Variants in CERS5 observed in about 807,000 individuals in gnomAD.
The protein encoded by CERS5 is LAG1 homolog, ceramide synthase 5.
In CERS5, 37 loss-of-function variants were observed where a neutral mutation model predicts 58.9. The ratio of observed to expected loss-of-function variants is 0.63; its 90% CI spans 0.48 to 0.83. The LOEUF (loss-of-function observed/expected upper bound fraction) is 0.83, where lower values mean the gene tolerates loss of function less well. Among genes scored for constraint, CERS5 ranks in the 40% least tolerant of loss-of-function variants. The pLI, the probability that CERS5 is intolerant of heterozygous loss-of-function variation, is 0.00. For synonymous variants in CERS5, 147 were observed against 177.8 expected (o/e 0.83, Z 1.38); for missense variants, 398 against 489.3 (o/e 0.81, Z 1.76).
At chr12:50,148,587 C>T in intron 1 of CERS5, 1 of 340,888 alleles carries the variant, frequency 2.9e-6, no homozygotes, top group Non-Finnish European at 6.1e-6. Flanking sequence ...ACAAAGCAGA[C>T]TCTGTCTCAA....
At chr12:50,134,239 C>T (rs1035427713) in intron 9 of CERS5, among the ~76,000 whole-genome samples, 6 of 150,174 alleles carry the variant, frequency 4.0e-5, no homozygotes, top group African/African-American at 1.2e-4. Context: ...ATTAGCCAGG[C>T]GTGGTGGTGC....
At chr12:50,148,397 A>C (rs192963285) in intron 1 of CERS5, 34 of 200,864 alleles carry the variant, frequency 1.7e-4, no homozygotes, top group Middle Eastern at 2.3e-3. Flanking sequence ...GGAGTTCAAG[A>C]CCAGGCTGGC....
chr12:50,164,778 C>A (rs1328615600), intron 1 of CERS5, among the ~76,000 whole-genome samples: 1 of 152,138 alleles, frequency 6.6e-6, no homozygotes, highest in African/African-American at 2.4e-5. Context: ...CTTCAGCCAT[C>A]TGAGGGAACA....
intron 1 of CERS5, among the ~76,000 whole-genome samples, chr12:50,148,915 A>ATATATAT (rs1288478655): frequency 5.2e-5 from 3 of 57,666 alleles, no homozygotes; most frequent in African/African-American, 2.4e-4. Flanking sequence ...AAAAAAAAAA[A>ATATATAT]AAAAAAAAAA....
At chr12:50,163,788 G>A (rs1410389354) in intron 1 of CERS5, among the ~76,000 whole-genome samples, 3 of 152,048 alleles carry the variant, frequency 2.0e-5, no homozygotes, top group Non-Finnish European at 4.4e-5. Flanking sequence ...TGAGACTAGA[G>A]ACTATAGGCA....
chr12:50,155,057 C>G (rs754103588), intron 1 of CERS5, among the ~76,000 whole-genome samples: 1 of 151,936 alleles, frequency 6.6e-6, no homozygotes, highest in African/African-American at 2.4e-5. Context: ...GGGGTTTCAC[C>G]GTGTTGGCCA....
intron 9 of CERS5, among the ~76,000 whole-genome samples, chr12:50,131,792 A>T (rs1480676184): frequency 6.6e-6 from 1 of 152,052 alleles, no homozygotes. Flanking sequence ...TATCAAGCAA[A>T]GTATTTCAAT....
chr12:50,140,894 A>G (rs1202439990), intron 4 of CERS5, among the ~76,000 whole-genome samples: 1 of 151,016 alleles, frequency 6.6e-6, no homozygotes, highest in African/African-American at 2.4e-5. Flanking sequence ...AAAAGTATTA[A>G]AATCTTCAAA....
intron 1 of CERS5, among the ~76,000 whole-genome samples, chr12:50,150,638 C>T (rs376759284): frequency 1.1e-4 from 16 of 152,120 alleles, no homozygotes; most frequent in African/African-American, 3.4e-4. Context: ...GAGGTCAGAA[C>T]GCTGGACAAC....
intron 1 of CERS5, among the ~76,000 whole-genome samples, chr12:50,151,175 A>C (rs1937918637): frequency 6.8e-6 from 1 of 147,614 alleles, no homozygotes. Flanking sequence ...ACATTCCTCA[A>C]CTCTCCTTTC....
intron 3 of CERS5, 127 bp downstream of exon 3, chr12:50,142,947 G>T (rs976250700): frequency 2.9e-6 from 3 of 1,019,740 alleles, no homozygotes; most frequent in Admixed American, 2.6e-5. Flanking sequence ...CCTATAATAG[G>T]CTGAGTTAGT....
chr12:50,135,214 AGG>A lies in CERS5; in HGVS notation c.873-514_873-513del, dbSNP rs1237893558. On this transcript the variant is annotated intron_variant, in intron 8 of 9. Coordinates refer to ENST00000317551, the MANE Select transcript of CERS5 (RefSeq NM_147190.5). ...GGAGGAAGAGAGAGAGAGGAGAGGG[AGG>A]GAGAGAGAGGAGGACAGGGAGGGAG... 8.0e-5 allele frequency among the ~76,000 whole-genome samples: 5 copies of A among 62,610 alleles called. No homozygotes were observed. The East Asian group carries it at 2.7e-3, about 33-fold the overall frequency. 41.1% of individuals were successfully genotyped at this position (62,610 alleles called of 152,430 possible). A position where few individuals can be genotyped will look rare whatever the true frequency, so the allele number is the denominator to read the frequency against.
intron 1 of CERS5, among the ~76,000 whole-genome samples, chr12:50,148,927 A>AATATATATAT (rs773368671): frequency 1.9e-4 from 9 of 48,032 alleles, no homozygotes; most frequent in East Asian, 1.1e-3. Context: ...AAAAAAAAAA[A>AATATATATAT]ATATATATAT....
At position 50,134,703 on chromosome 12, in the gene CERS5, C is replaced by T. The variant is rs781296903; in HGVS notation, c.873-1G>A. 3.1e-6 allele frequency: 5 copies of T among 1,611,430 alleles called. No homozygotes were observed. The highest frequency in any genetic ancestry group is 3.4e-6 in the Non-Finnish European group (4 of 1,178,488). On this transcript the variant is annotated splice_acceptor_variant, in intron 8 of 9. Transcript: ENST00000317551. LOFTEE classifies it high-confidence loss of function. Reference sequence around the variant, plus strand: ...CTCAAAGAGGGTCGTGTTCAGAATCCTAGAAGAGGGAGGCCAATAGTCAGA... The same window carrying T: ...CTCAAAGAGGGTCGTGTTCAGAATCTTAGAAGAGGGAGGCCAATAGTCAGA...
intron 1 of CERS5, among the ~76,000 whole-genome samples, chr12:50,147,851 C>T (rs1001638044): frequency 1.3e-5 from 2 of 152,070 alleles, no homozygotes; most frequent in African/African-American, 4.8e-5. Context: ...GATCACTGCT[C>T]ACTGCAGCCT....
intron 4 of CERS5, among the ~76,000 whole-genome samples, chr12:50,140,868 G>T (rs1384038251): frequency 2.1e-5 from 3 of 143,540 alleles, no homozygotes; most frequent in Non-Finnish European, 1.5e-5. Context: ...CTAGGGTTTA[G>T]GTCAATTACT....
intron 8 of CERS5, chr12:50,135,431 A>T (rs765504998): frequency 8.4e-6 from 5 of 597,664 alleles, no homozygotes; most frequent in South Asian, 1.6e-5. Flanking sequence ...CAAAGGAATT[A>T]CTTAGGCATA....
At chr12:50,148,837 G>A (rs1299524323) in intron 1 of CERS5, among the ~76,000 whole-genome samples, 3 of 145,752 alleles carry the variant, frequency 2.1e-5, no homozygotes, top group East Asian at 2.0e-4. Flanking sequence ...CCCGGGAAGC[G>A]AAGGTTGCAG....
intron 1 of CERS5, among the ~76,000 whole-genome samples, chr12:50,149,996 C>T (rs1419617243): frequency 6.6e-6 from 1 of 152,200 alleles, no homozygotes; most frequent in South Asian, 2.1e-4. Context: ...GCCTGCCTCG[C>T]CTCCCAAAGT....
Sources: gnomAD v4.1 joint callset for allele counts (sites outside exome capture counted in the v4.1 genomes callset) on GRCh38, gnomAD v4.1.1 for gene constraint, MANE v1.5 for transcripts, NCBI Gene and HGNC (gene_info 2026-07-23, HGNC 2026-07-21) for gene names.